SPECC1L: variants seen among roughly 807,000 people sequenced by gnomAD.
SPECC1L encodes sperm antigen with calponin homology and coiled-coil domains 1 like, also known as cytospin-A.
A neutral mutation model predicts 116.8 loss-of-function variants in SPECC1L; 40 were observed. That is an observed-to-expected ratio of 0.34 (90% CI 0.27 to 0.45). The LOEUF (loss-of-function observed/expected upper bound fraction) is 0.45. Among genes scored for constraint, SPECC1L ranks in the 20% least tolerant of loss-of-function variants. The pLI is 1.00. For synonymous variants in SPECC1L, 504 were observed against 500.6 expected, an observed-to-expected ratio of 1.01 and a Z score of -0.09; for missense variants, 1,110 against 1,373.6, an observed-to-expected ratio of 0.81 and a Z score of 3.03.
intron 2 of SPECC1L, among the ~76,000 whole-genome samples, chr22:24,291,033 ATTCT>A (rs35332662): frequency 0.027 from 4,173 of 152,190 alleles, 65 homozygotes; most frequent in Non-Finnish European, 0.046. Flanking sequence ...TGACTGTGTG[ATTCT>A]TTCTTCTCAG....
intron 14 of SPECC1L, among the ~76,000 whole-genome samples, chr22:24,381,809 G>A (rs1337895287): frequency 1.3e-5 from 2 of 152,144 alleles, no homozygotes; most frequent in Non-Finnish European, 2.9e-5. Flanking sequence ...GCGTGAAACC[G>A]GGAGGCAGAG....
chr22:24,366,290 T>A (rs966381941), intron 13 of SPECC1L, among the ~76,000 whole-genome samples: 2 of 151,080 alleles, frequency 1.3e-5, no homozygotes, highest in South Asian at 4.2e-4. Context: ...CCCCCTGGGG[T>A]TCATGCCATT....
intron 3 of SPECC1L, 122 bp downstream of exon 3, chr22:24,302,506 C>T: frequency 7.6e-7 from 1 of 1,317,298 alleles, no homozygotes; most frequent in Non-Finnish European, 1.1e-6. Context: ...GAACACTTGG[C>T]CTTTGAAGAG....
intron 12 of SPECC1L, among the ~76,000 whole-genome samples, chr22:24,364,941 C>T (rs2041723054): frequency 6.6e-6 from 1 of 152,098 alleles, no homozygotes; most frequent in Non-Finnish European, 1.5e-5. Context: ...AGGCACACTC[C>T]TTGTCTATAA....
At chr22:24,347,322 T>A (rs2041317233) in intron 11 of SPECC1L, 146 bp downstream of exon 11, 1 of 675,932 alleles carries the variant, frequency 1.5e-6, no homozygotes, top group Non-Finnish European at 2.7e-6. Flanking sequence ...CTAGTAAGTA[T>A]ATCTAAATTA....
Position 24,338,467 on chromosome 22 carries a change from C to A in SPECC1L, c.2642C>A (p.Ser881Tyr), listed in dbSNP as rs1266156845. Reference protein sequence around the residue: ...PMKTPPAAAVSPMQRHSISGP... With the variant: ...PMKTPPAAAVYPMQRHSISGP... ...AAAACCCCTCCTGCAGCAGCTGTGT[C>A]CCCTATGCAGGTGAGTGCCTGGAAC... Residue 881 changes from serine (S) to tyrosine (Y), a missense_variant, in exon 10 of 17, where the codon TCC becomes TAC. Transcript: ENST00000314328. 3.7e-6 allele frequency: 6 copies of A among 1,613,926 alleles called. No individual in the cohort carries two copies. The highest frequency in any genetic ancestry group is 5.1e-6 in the Non-Finnish European group (6 of 1,179,956).
intron 2 of SPECC1L, among the ~76,000 whole-genome samples, chr22:24,277,494 T>C (rs910437122): frequency 6.6e-6 from 1 of 152,234 alleles, no homozygotes; most frequent in Admixed American, 6.5e-5. Context: ...ACATGTTCAA[T>C]ACCTCAAAAA....
chr22:24,343,641 A>G, intron 10 of SPECC1L: 1 of 261,252 alleles, frequency 3.8e-6, no homozygotes, highest in South Asian at 3.0e-5. Flanking sequence ...TTGTATTTTT[A>G]GTAGAGATGG....
intron 11 of SPECC1L, among the ~76,000 whole-genome samples, chr22:24,358,622 C>G (rs2041580113): frequency 6.6e-6 from 1 of 152,144 alleles, no homozygotes; most frequent in African/African-American, 2.4e-5. Context: ...ACTGTTGGCT[C>G]TGTTTTCGTG....
At position 24,302,266 on chromosome 22, in the gene SPECC1L, C is replaced by T. The variant is rs1326577558; in HGVS notation, c.35C>T (p.Pro12Leu). ...KKASRSVGSVPKVSAISKTQT... is the reference protein window; with the variant it reads ...KKASRSVGSVLKVSAISKTQT... ...GCAAGCAGGAGTGTTGGCTCAGTGC[C>T]TAAAGTGTCTGCAATAAGTAAAACG... Residue 12 changes from proline to leucine, a missense_variant, in exon 3 of 17, where the codon CCT becomes CTT. Around this residue, in one of 4 missense-constraint regions of SPECC1L, gnomAD observed 437 missense variants for 482.6 expected, o/e 0.91. Coordinates refer to ENST00000314328, the MANE Select transcript of SPECC1L (RefSeq NM_015330.6). 1.9e-6 allele frequency: 3 copies of T among 1,613,896 alleles called. No homozygotes were observed. The highest frequency in any genetic ancestry group is 2.5e-6 in the Non-Finnish European group (3 of 1,180,010).
intron 11 of SPECC1L, among the ~76,000 whole-genome samples, chr22:24,356,677 G>T (rs1294689981): frequency 6.6e-6 from 1 of 152,088 alleles, no homozygotes; most frequent in Non-Finnish European, 1.5e-5. Flanking sequence ...ATTATGGTTA[G>T]ATTAAAATCT....
At chr22:24,391,550 A>C (rs1050276976) in intron 14 of SPECC1L, among the ~76,000 whole-genome samples, 4 of 152,214 alleles carry the variant, frequency 2.6e-5, no homozygotes, top group Non-Finnish European at 4.4e-5. Context: ...GAGGCCTTGT[A>C]TACAGCACCA....
intron 14 of SPECC1L, among the ~76,000 whole-genome samples, chr22:24,379,611 A>G (rs943457628): frequency 9.2e-5 from 14 of 152,324 alleles, no homozygotes; most frequent in African/African-American, 3.1e-4. Flanking sequence ...AATATGATAT[A>G]GGATGGTTAA....
chr22:24,336,289 G>A (rs987618605), intron 9 of SPECC1L, among the ~76,000 whole-genome samples: 2 of 151,732 alleles, frequency 1.3e-5, no homozygotes, highest in Non-Finnish European at 1.5e-5. Context: ...ATACCTATAT[G>A]TGTGTGTGTA....
chr22:24,339,300 C>CCAAG (rs1235278858), intron 10 of SPECC1L, among the ~76,000 whole-genome samples: 1 of 152,168 alleles, frequency 6.6e-6, no homozygotes, highest in Admixed American at 6.5e-5. Flanking sequence ...CTATTTTAAT[C>CCAAG]CAAGCAAGTC....
At position 24,373,736 on chromosome 22, in the gene SPECC1L, C is replaced by T. The variant is rs370598818; in HGVS notation, c.3087+4416C>T. ...ATGGGCAAGGACTTCATGTTTAAAA[C>T]ACCAAAAGCAATGGCAACAAAAGCG... is the stretch of plus-strand genomic sequence containing the variant. On this transcript the variant is annotated intron_variant, in intron 14 of 16. Coordinates refer to ENST00000314328, the MANE Select transcript of SPECC1L (RefSeq NM_015330.6). 2.2e-3 allele frequency among the ~76,000 whole-genome samples: 337 copies of T among 152,284 alleles called. 1 individual carries two copies. The highest frequency in any genetic ancestry group is 3.1e-3 in the Non-Finnish European group (211 of 68,022).
intron 16 of SPECC1L, among the ~76,000 whole-genome samples, chr22:24,413,497 G>A (rs1002544227): frequency 1.3e-5 from 2 of 152,048 alleles, no homozygotes; most frequent in African/African-American, 2.4e-5. Flanking sequence ...CCCCATCCCC[G>A]TGCCCCCAGC....
intron 14 of SPECC1L, among the ~76,000 whole-genome samples, chr22:24,402,917 A>T (rs1257338124): frequency 6.6e-6 from 1 of 152,194 alleles, no homozygotes; most frequent in Non-Finnish European, 1.5e-5. Flanking sequence ...AGATTTGTAT[A>T]ATCTCTTGGC....
chr22:24,341,529 G>A (rs540337647), intron 10 of SPECC1L, among the ~76,000 whole-genome samples: 6 of 152,104 alleles, frequency 3.9e-5, no homozygotes, highest in East Asian at 1.9e-4. Flanking sequence ...TAGATCTGCC[G>A]TAAAAGATCT....
Sources: gnomAD v4.1 joint callset for allele counts (sites outside exome capture counted in the v4.1 genomes callset) on GRCh38, gnomAD v4.1.1 for gene constraint, gnomAD v4.1.1 regional missense constraint, MANE v1.5 for transcripts, NCBI Gene and HGNC (gene_info 2026-07-23, HGNC 2026-07-21) for gene names.